ARHGEF6: variants seen among roughly 807,000 people sequenced by gnomAD.
The protein encoded by ARHGEF6 is rho guanine nucleotide exchange factor 6.
A neutral mutation model predicts 70.3 loss-of-function variants in ARHGEF6; 9 were observed. The ratio of observed to expected loss-of-function variants is 0.13; its 90% CI spans 0.08 to 0.22. The LOEUF is 0.22. Among genes scored for constraint, ARHGEF6 ranks in the 10% least tolerant of loss-of-function variants. The pLI, the probability that ARHGEF6 is intolerant of heterozygous loss-of-function variation, is 1.00. For missense variants in ARHGEF6, 470 were observed against 563.0 expected (o/e 0.83, Z 1.67); for synonymous variants, 201 against 207.8 (o/e 0.97, Z 0.28).
intron 13 of ARHGEF6, 108 bp downstream of exon 13, chrX:136,682,650 T>G (rs1002964190): frequency 4.3e-5 from 26 of 601,594 alleles, no homozygotes; most frequent in Non-Finnish European, 7.1e-5. Context: ...CAGAACATTC[T>G]GGTTCTCCTG....
intron 13 of ARHGEF6, among the ~76,000 whole-genome samples, chrX:136,682,178 A>C (rs1173443530): frequency 1.8e-5 from 2 of 112,232 alleles, no homozygotes. Flanking sequence ...AACACACCCT[A>C]AACTATAAGA....
chrX:136,717,264 C>T (rs1295143798), intron 6 of ARHGEF6, among the ~76,000 whole-genome samples: 1 of 112,270 alleles, frequency 8.9e-6, no homozygotes, highest in Non-Finnish European at 1.9e-5. Context: ...ATAAAAGTTA[C>T]ATCTGACCTC....
intron 2 of ARHGEF6, among the ~76,000 whole-genome samples, chrX:136,777,254 CAAAT>C (rs1382175176): frequency 9.0e-6 from 1 of 110,847 alleles, no homozygotes; most frequent in African/African-American, 3.3e-5. Context: ...AAACAAAAAA[CAAAT>C]AATCCCATCA....
intron 2 of ARHGEF6, chrX:136,767,537 G>A (rs1442526823): frequency 2.7e-6 from 2 of 753,527 alleles, no homozygotes; most frequent in Non-Finnish European, 3.1e-6. Flanking sequence ...CGTGCCGCTC[G>A]GCGGGCGGAG....
intron 10 of ARHGEF6, among the ~76,000 whole-genome samples, 158 bp from the exon 11 acceptor site, chrX:136,688,149 AATCTAT>A (rs1189977133): frequency 9.0e-6 from 1 of 111,699 alleles, no homozygotes; most frequent in Non-Finnish European, 1.9e-5. Context: ...TGGTAACATG[AATCTAT>A]ACCTGTGTGA....
intron 9 of ARHGEF6, among the ~76,000 whole-genome samples, chrX:136,702,610 C>T (rs1260372081): frequency 8.9e-6 from 1 of 112,103 alleles, no homozygotes; most frequent in Non-Finnish European, 1.9e-5. Context: ...AAGCAGACTT[C>T]CGATCAGGGA....
intron 12 of ARHGEF6, 141 bp downstream of exon 12, chrX:136,685,536 G>A (rs1339809776): frequency 3.1e-6 from 2 of 635,751 alleles, no homozygotes; most frequent in Admixed American, 5.9e-5. Flanking sequence ...GAACCCAGGA[G>A]GCAGAGGTTG....
intron 2 of ARHGEF6, among the ~76,000 whole-genome samples, chrX:136,766,616 C>T (rs747552974): frequency 3.6e-5 from 4 of 112,261 alleles, no homozygotes; most frequent in Non-Finnish European, 7.5e-5. Context: ...AGCTAAGAAA[C>T]GAAATAGCTC....
At position 136,699,664 on chromosome X, in the gene ARHGEF6, G is replaced by GT; in HGVS notation, c.1046+7243dup. ...CCTAAAGCAGAAGCCACTGGACCCA[G>GT]TAACTGGCAGGAACACTTGCATAGT... On this transcript the variant is annotated intron_variant, in intron 9 of 21. Coordinates refer to ENST00000250617, the MANE Select transcript of ARHGEF6 (RefSeq NM_004840.3). Among the ~76,000 whole-genome samples the GT allele has an allele frequency of 2.7e-5, 3 of 111,474 alleles. No individual in the cohort carries two copies. In the South Asian group the frequency reaches 1.1e-3, roughly 42 times the overall value.
In ARHGEF6 at chrX:136,685,807, A is replaced by T; in HGVS notation, c.1262T>A (p.Leu421Gln). The T allele has an allele frequency of 8.3e-7, 1 of 1,211,038 alleles. No individual in the cohort carries two copies. The highest frequency in any genetic ancestry group is 2.2e-5 in the Admixed American group (1 of 45,997). The change falls in exon 12 of 22, where the codon CTG becomes CAG. Residue 421 changes from leucine (L) to glutamine (Q), a missense_variant. Physicochemically the swap from Leu to Gln is moderately radical, Grantham distance 113. This residue lies in a region of ARHGEF6 where 379 missense variants were observed against 449.3 expected (regional missense o/e 0.84). Coordinates refer to ENST00000250617, the MANE Select transcript of ARHGEF6 (RefSeq NM_004840.3). Reference protein sequence around the residue: ...FKTLMGQCQDLRKRKQLELQI... With the variant: ...FKTLMGQCQDQRKRKQLELQI... The stretch of plus-strand genomic sequence containing the variant: ...TAACTCCAGCTGTTTTCTCTTCCTC[A>T]GATCTTGACATTGCCCCTACAGAAC...
chrX:136,724,272 G>T (rs891688833), intron 6 of ARHGEF6, among the ~76,000 whole-genome samples: 2 of 108,056 alleles, frequency 1.9e-5, no homozygotes, highest in South Asian at 8.2e-4. Context: ...TAGAAGCGGG[G>T]TTTCACCATA....
At chrX:136,769,286 C>A (rs1414603835) in intron 2 of ARHGEF6, among the ~76,000 whole-genome samples, 1 of 110,562 alleles carries the variant, frequency 9.0e-6, no homozygotes, top group Non-Finnish European at 1.9e-5. Flanking sequence ...ATGGCGGGCA[C>A]CTGTAATCCC....
chrX:136,688,487 G>A (rs1456128039), intron 10 of ARHGEF6, among the ~76,000 whole-genome samples: 1 of 110,247 alleles, frequency 9.1e-6, no homozygotes, highest in East Asian at 2.8e-4. Context: ...AACAAGAGTC[G>A]TGGTTAGAGA....
At chrX:136,726,402 G>T (rs951009497) in intron 6 of ARHGEF6, among the ~76,000 whole-genome samples, 1 of 111,404 alleles carries the variant, frequency 9.0e-6, no homozygotes, top group African/African-American at 3.3e-5. Flanking sequence ...ATGGGAAGAG[G>T]GTAAGAAAGA....
intron 5 of ARHGEF6, among the ~76,000 whole-genome samples, chrX:136,734,818 G>T (rs2076969803): frequency 1.8e-5 from 2 of 111,745 alleles, no homozygotes; most frequent in Non-Finnish European, 3.8e-5. Context: ...TCCTAGGTTG[G>T]TTAAATATTT....
At chrX:136,689,532 C>T (rs2076437688) in intron 10 of ARHGEF6, among the ~76,000 whole-genome samples, 2 of 112,229 alleles carry the variant, frequency 1.8e-5, no homozygotes, top group South Asian at 7.4e-4. Flanking sequence ...TATGGAAAGG[C>T]ATCCAGAGGT....
intron 2 of ARHGEF6, among the ~76,000 whole-genome samples, chrX:136,777,350 A>G (rs1261893921): frequency 8.9e-6 from 1 of 111,762 alleles, no homozygotes; most frequent in African/African-American, 3.3e-5. Context: ...AATGCTCAAC[A>G]TCACTAAGCA....
In ARHGEF6 at chrX:136,697,374, G is replaced by A. The variant is rs73563506; in HGVS notation, c.1047-6626C>T. On this transcript the variant is annotated intron_variant, in intron 9 of 21. Coordinates refer to ENST00000250617, the MANE Select transcript of ARHGEF6 (RefSeq NM_004840.3). ...AGAGAGAGAACCAGGGAAACAGACA[G>A]CCAGGAAGTGCTAAGAAGGATCAGA... 5.1e-3 allele frequency among the ~76,000 whole-genome samples: 570 copies of A among 111,930 alleles called. 4 individuals carry two copies. Among genetic ancestry groups the A allele is most frequent in the African/African-American group, 0.018 (554 of 30,812 alleles).
At chrX:136,754,241 T>C (rs762393551) in intron 2 of ARHGEF6, among the ~76,000 whole-genome samples, 3 of 110,917 alleles carry the variant, frequency 2.7e-5, no homozygotes, top group Non-Finnish European at 5.7e-5. Context: ...AAGAACAATA[T>C]AGGCATCTTA....
Sources: gnomAD v4.1 joint callset for allele counts (sites outside exome capture counted in the v4.1 genomes callset) on GRCh38, gnomAD v4.1.1 for gene constraint, gnomAD v4.1.1 regional missense constraint, MANE v1.5 for transcripts, NCBI Gene and HGNC (gene_info 2026-07-23, HGNC 2026-07-21) for gene names.